The following CREG2 variants were observed in gnomAD, a reference collection of about 807,000 sequenced individuals.
CREG2 encodes protein CREG2.
CREG2 carries 24 observed loss-of-function variants against 26.2 expected under a neutral mutation model. That is an observed-to-expected ratio of 0.92 (90% CI 0.66 to 1.29). The LOEUF is 1.29. Among genes scored for constraint, CREG2 ranks in the 50% most tolerant of loss-of-function variants. The pLI, the probability that CREG2 is intolerant of heterozygous loss-of-function variation, is 0.00. For missense variants in CREG2, 366 were observed against 398.6 expected, an observed-to-expected ratio of 0.92 and a Z score of 0.70; for synonymous variants, 174 against 169.2, an observed-to-expected ratio of 1.03 and a Z score of -0.22.
At position 101,349,509 on chromosome 2, in the gene CREG2, C is replaced by G. The variant is rs1684346759; in HGVS notation, c.*1414G>C. On this transcript the variant is annotated 3_prime_UTR_variant, in exon 4 of 4. Coordinates refer to ENST00000324768, the MANE Select transcript of CREG2 (RefSeq NM_153836.4). ...GTGATGTGTTTTTTATGTTATACAA[C>G]CTCCCTAACCTACCAAAGAAAGTTT... The G allele has an allele frequency of 6.6e-6, 1 of 152,496 alleles. No individual in the cohort carries two copies. 9.4% of individuals were successfully genotyped at this position (152,496 alleles called of 1,614,324 possible). A position where few individuals can be genotyped will look rare whatever the true frequency, so the allele number is the denominator to read the frequency against.
In CREG2 at chr2:101,348,600, T is replaced by C. The variant is rs1373973544; in HGVS notation, c.*2323A>G. On this transcript the variant is annotated 3_prime_UTR_variant, in exon 4 of 4. Coordinates refer to ENST00000324768, the MANE Select transcript of CREG2 (RefSeq NM_153836.4). Reference sequence around the variant, plus strand: ...TTTCCCCACATGTTCATCGTTAGCATAGAGAAATGCAATTGACTTTTGTAT... The same window carrying C: ...TTTCCCCACATGTTCATCGTTAGCACAGAGAAATGCAATTGACTTTTGTAT... 2 of 152,192 alleles carry C rather than the reference T, an allele frequency of 1.3e-5. No homozygotes were observed. The highest frequency in any genetic ancestry group is 4.8e-5 in the African/African-American group (2 of 41,450). The allele number at this position is 152,192 out of a possible 1,614,324, so 9.4% of individuals were successfully genotyped here.
rs1684323081 is a variant in CREG2 at position 101,347,368 on chromosome 2, TG to T, written c.*3554del. The T allele has an allele frequency of 6.6e-6, 1 of 152,218 alleles. No individual in the cohort carries two copies. The highest frequency in any genetic ancestry group is 2.4e-5 in the African/African-American group (1 of 41,458). The allele number at this position is 152,218 out of a possible 1,614,324, so 9.4% of individuals were successfully genotyped here. ...ATTGAGGGTCAGTATGGCAGTTGTA[TG>T]TTTAGTTTTATGAGAAACTGGCAAA... On this transcript the variant is annotated 3_prime_UTR_variant, in exon 4 of 4. Transcript: ENST00000324768.
At chr2:101,355,430 C>T (rs549498637) in intron 2 of CREG2, 64 bp from the exon 3 acceptor site, 20 of 1,029,388 alleles carry the variant, frequency 1.9e-5, no homozygotes, top group East Asian at 4.9e-5. Context: ...GCAATTCTAA[C>T]GATTTTATAA....
At chr2:101,367,384 A>G (rs1684632727) in intron 2 of CREG2, among the ~76,000 whole-genome samples, 1 of 152,198 alleles carries the variant, frequency 6.6e-6, no homozygotes, top group South Asian at 2.1e-4. Flanking sequence ...ATTAAAATTT[A>G]TCTTCATCAA....
chr2:101,366,533 T>C (rs533854615), intron 2 of CREG2, among the ~76,000 whole-genome samples: 2 of 151,980 alleles, frequency 1.3e-5, no homozygotes, highest in African/African-American at 4.8e-5. Flanking sequence ...AAGAAAATAA[T>C]ACAAATAGGC....
chr2:101,359,071 A>G (rs200575853), intron 2 of CREG2, among the ~76,000 whole-genome samples: 263 of 13,556 alleles, frequency 0.019, 39 homozygotes, highest in Middle Eastern at 0.056. Flanking sequence ...AAAAAAAAAA[A>G]AGAGAGAACT....
chr2:101,366,039 T>C (rs1684612311), intron 2 of CREG2, among the ~76,000 whole-genome samples: 1 of 152,242 alleles, frequency 6.6e-6, no homozygotes, highest in Non-Finnish European at 1.5e-5. Context: ...TATTCCATCT[T>C]GTCTATGAGA....
intron 2 of CREG2, among the ~76,000 whole-genome samples, chr2:101,367,437 A>T (rs1459088382): frequency 2.0e-5 from 3 of 152,230 alleles, no homozygotes; most frequent in Admixed American, 1.3e-4. Context: ...TTCTATATTT[A>T]AAACATTTGT....
chr2:101,376,222 G>A (rs941175860), intron 2 of CREG2, among the ~76,000 whole-genome samples: 6 of 152,114 alleles, frequency 3.9e-5, no homozygotes, highest in African/African-American at 9.7e-5. Context: ...AGAGAAGTCC[G>A]TTGAACAGAC....
At chr2:101,361,509 C>A (rs1217158017) in intron 2 of CREG2, among the ~76,000 whole-genome samples, 1 of 152,136 alleles carries the variant, frequency 6.6e-6, no homozygotes. Context: ...GGGGCACGAG[C>A]CTTGGGTTGC....
At chr2:101,353,343 C>T (rs748710201) in intron 3 of CREG2, among the ~76,000 whole-genome samples, 8 of 152,140 alleles carry the variant, frequency 5.3e-5, no homozygotes, top group East Asian at 3.9e-4. Context: ...GACATTTATG[C>T]GGCCAACAAA....
rs72990609 is a variant in CREG2 at position 101,384,853 on chromosome 2, C to T, written c.442-1151G>A. Among the ~76,000 whole-genome samples the T allele has an allele frequency of 3.1e-3, 477 of 152,110 alleles. 3 individuals carry two copies. Among genetic ancestry groups the T allele is most frequent in the African/African-American group, 9.7e-3 (404 of 41,478 alleles). ...TCCAGCCTGGGTGACAGAGCCAGAC[C>T]CCATCTATAAAATAAATAAATAAAA... On this transcript the variant is annotated intron_variant, in intron 1 of 3. Coordinates refer to ENST00000324768, the MANE Select transcript of CREG2 (RefSeq NM_153836.4).
chr2:101,386,061 A>G (rs1684962710), intron 1 of CREG2, among the ~76,000 whole-genome samples: 1 of 152,246 alleles, frequency 6.6e-6, no homozygotes, highest in Non-Finnish European at 1.5e-5. Context: ...TGCATTTGAC[A>G]CTGAAGAGGT....
intron 2 of CREG2, among the ~76,000 whole-genome samples, chr2:101,361,108 C>T (rs1684532004): frequency 6.6e-6 from 1 of 152,196 alleles, no homozygotes; most frequent in African/African-American, 2.4e-5. Flanking sequence ...AATAATAACA[C>T]AGTACATTTA....
rs186052317 is a variant in CREG2, at chr2:101,384,715, G to T, written c.442-1013C>A. Among the ~76,000 whole-genome samples the T allele has an allele frequency of 1.1e-4, 17 of 152,262 alleles. No individual in the cohort carries two copies. The East Asian group carries it at 3.1e-3, about 28-fold the overall frequency. On this transcript the variant is annotated intron_variant, in intron 1 of 3. Transcript: ENST00000324768. ...CTACAAAAAGTTTTTTAAAAAATTA[G>T]CTTGGCATGGTGGCACACATCTATA...
intron 3 of CREG2, among the ~76,000 whole-genome samples, chr2:101,353,806 C>T (rs1558813181): frequency 6.6e-6 from 1 of 152,150 alleles, no homozygotes. Flanking sequence ...GAGTTCATGT[C>T]CTTTGCAGGG....
rs776544215 is a variant in CREG2 at position 101,359,034 on chromosome 2, C to CAAAAAAAA, written c.612-3676_612-3669dup. On this transcript the variant is annotated intron_variant, in intron 2 of 3. Transcript: ENST00000324768. ...TGGGCGACAGAGCGAGACTCCGTCT[C>CAAAAAAAA]AAAAAAAAAAAAAAAAAAAAAAAAA... Among the ~76,000 whole-genome samples, 4 of 1,204 alleles carry CAAAAAAAA rather than the reference C, an allele frequency of 3.3e-3. 1 individual carries two copies. Among genetic ancestry groups the CAAAAAAAA allele is most frequent in the Admixed American group, 0.042 (2 of 48 alleles). The allele number at this position is 1,204 out of a possible 152,430, so 0.8% of individuals were successfully genotyped here. A position where few individuals can be genotyped will look rare whatever the true frequency, so the allele number is the denominator to read the frequency against.
intron 3 of CREG2, among the ~76,000 whole-genome samples, 155 bp from the exon 4 acceptor site, chr2:101,351,225 G>A (rs1446827043): frequency 6.6e-6 from 1 of 152,184 alleles, no homozygotes; most frequent in Non-Finnish European, 1.5e-5. Context: ...GTCAGTGCCT[G>A]GGACCACCGT....
chr2:101,384,504 T>G (rs1684933449), intron 1 of CREG2, among the ~76,000 whole-genome samples: 1 of 152,116 alleles, frequency 6.6e-6, no homozygotes, highest in African/African-American at 2.4e-5. Flanking sequence ...CCCTCATGAA[T>G]GGCTTGGTGC....
Sources: gnomAD v4.1 joint callset for allele counts (sites outside exome capture counted in the v4.1 genomes callset) on GRCh38, gnomAD v4.1.1 for gene constraint, MANE v1.5 for transcripts, NCBI Gene and HGNC (gene_info 2026-07-23, HGNC 2026-07-21) for gene names.